The following SGMS1 variants were observed in gnomAD, a reference collection of about 807,000 sequenced individuals.
The protein encoded by SGMS1 is sphingomyelin synthase 1.
Under a neutral mutation model 46.2 loss-of-function variants are expected in SGMS1, and 13 were observed. That is an observed-to-expected ratio of 0.28 (90% CI 0.18 to 0.45). The LOEUF is 0.45. Among genes scored for constraint, SGMS1 ranks in the 20% least tolerant of loss-of-function variants. The probability of loss-of-function intolerance (pLI) is 1.00; values close to 1 mark genes in which losing one functional copy is unlikely to be tolerated. For missense variants in SGMS1, 324 were observed against 519.9 expected (o/e 0.62, Z 3.66); for synonymous variants, 203 against 187.8 (o/e 1.08, Z -0.66).
intron 7 of SGMS1, among the ~76,000 whole-genome samples, chr10:50,338,252 C>A (rs911389081): frequency 1.3e-5 from 2 of 152,150 alleles, no homozygotes; most frequent in East Asian, 1.9e-4. Flanking sequence ...ACCCCTGACC[C>A]CAACCCATAA....
At chr10:50,605,861 C>T (rs1279255878) in intron 1 of SGMS1, among the ~76,000 whole-genome samples, 1 of 152,154 alleles carries the variant, frequency 6.6e-6, no homozygotes, top group African/African-American at 2.4e-5. Flanking sequence ...TAATATACAT[C>T]ATACTCATTA....
chr10:50,430,310 T>C (rs1436070509), intron 6 of SGMS1, among the ~76,000 whole-genome samples: 1 of 152,174 alleles, frequency 6.6e-6, no homozygotes, highest in African/African-American at 2.4e-5. Flanking sequence ...ATATATTATG[T>C]ATACATCTAC....
chr10:50,463,094 T>C (rs1479696945), intron 4 of SGMS1, among the ~76,000 whole-genome samples: 1 of 151,548 alleles, frequency 6.6e-6, no homozygotes, highest in Non-Finnish European at 1.5e-5. Flanking sequence ...AAAAAATACA[T>C]AGAGGAAATG....
chr10:50,451,386 G>A (rs1463024780), intron 5 of SGMS1, among the ~76,000 whole-genome samples: 1 of 152,130 alleles, frequency 6.6e-6, no homozygotes, highest in African/African-American at 2.4e-5. Flanking sequence ...ACACATAACT[G>A]TACCAGGCAA....
intron 2 of SGMS1, among the ~76,000 whole-genome samples, chr10:50,579,194 T>C (rs1039062617): frequency 9.3e-5 from 14 of 150,182 alleles, no homozygotes; most frequent in African/African-American, 3.4e-4. Context: ...ACATGAAAAA[T>C]TGAATAGAAG....
intron 3 of SGMS1, among the ~76,000 whole-genome samples, chr10:50,480,077 A>G (rs542028843): frequency 6.6e-6 from 1 of 152,236 alleles, no homozygotes; most frequent in East Asian, 1.9e-4. Flanking sequence ...AGACTTATTT[A>G]TGACATTTTC....
intron 8 of SGMS1, among the ~76,000 whole-genome samples, chr10:50,320,915 G>T (rs186609748): frequency 1.3e-5 from 2 of 152,204 alleles, no homozygotes; most frequent in African/African-American, 4.8e-5. Flanking sequence ...GGGAGTCAGA[G>T]GGGGATCTGG....
intron 3 of SGMS1, among the ~76,000 whole-genome samples, chr10:50,491,386 A>C (rs1328503114): frequency 1.3e-5 from 2 of 152,154 alleles, no homozygotes; most frequent in Non-Finnish European, 2.9e-5. Context: ...AGCAAATAAA[A>C]AATAAAGACC....
chr10:50,609,629 C>G (rs1838729882), intron 1 of SGMS1, among the ~76,000 whole-genome samples: 1 of 148,768 alleles, frequency 6.7e-6, no homozygotes, highest in South Asian at 2.2e-4. Context: ...ACCTAGTATT[C>G]CATTGTGTGG....
chr10:50,560,598 GGC>G (rs1438142893), intron 2 of SGMS1, among the ~76,000 whole-genome samples: 196 of 144,188 alleles, frequency 1.4e-3, no homozygotes, highest in African/African-American at 4.6e-3. Context: ...CATAATATAT[GGC>G]ATATAATACA....
intron 6 of SGMS1, among the ~76,000 whole-genome samples, chr10:50,360,587 T>C (rs1848230343): frequency 6.6e-6 from 1 of 152,190 alleles, no homozygotes; most frequent in African/African-American, 2.4e-5. Flanking sequence ...AGCAGGACTA[T>C]TTTAATATTT....
chr10:50,549,564 G>C (rs571434252), intron 2 of SGMS1, among the ~76,000 whole-genome samples: 2 of 152,266 alleles, frequency 1.3e-5, no homozygotes, highest in African/African-American at 2.4e-5. Context: ...GGGAGGGAGA[G>C]CATCAGGAAG....
At chr10:50,443,078 T>A (rs1849565284) in intron 5 of SGMS1, among the ~76,000 whole-genome samples, 1 of 152,196 alleles carries the variant, frequency 6.6e-6, no homozygotes, top group Non-Finnish European at 1.5e-5. Context: ...AAGTTTAGAA[T>A]ATTTACTTTT....
At chr10:50,396,793 A>G (rs1204438717) in intron 6 of SGMS1, among the ~76,000 whole-genome samples, 1 of 152,076 alleles carries the variant, frequency 6.6e-6, no homozygotes, top group African/African-American at 2.4e-5. Context: ...TATTTTTCAC[A>G]TCTTCCTTCC....
chr10:50,541,490 C>A (rs1416014964), intron 2 of SGMS1, among the ~76,000 whole-genome samples: 4 of 152,176 alleles, frequency 2.6e-5, no homozygotes, highest in Non-Finnish European at 5.9e-5. Flanking sequence ...TTTTACCATC[C>A]AGGCTCTGTC....
At chr10:50,426,072 A>T (rs1253053417) in intron 6 of SGMS1, among the ~76,000 whole-genome samples, 1 of 152,240 alleles carries the variant, frequency 6.6e-6, no homozygotes, top group Non-Finnish European at 1.5e-5. Flanking sequence ...GTATGTATTA[A>T]AAATTACAAT....
intron 3 of SGMS1, among the ~76,000 whole-genome samples, chr10:50,505,505 C>T (rs7920818): frequency 0.22 from 32,934 of 152,092 alleles, 3,719 homozygotes; most frequent in Admixed American, 0.27. Flanking sequence ...CTTCTACACC[C>T]TTCTCCTCTC....
At chr10:50,560,374 TTATATGCATATAA>T (rs1392063377) in intron 2 of SGMS1, among the ~76,000 whole-genome samples, 1 of 138,372 alleles carries the variant, frequency 7.2e-6, no homozygotes, top group African/African-American at 2.6e-5. Flanking sequence ...ATATTATATA[TTATATGCATATAA>T]TATATGCATA....
At chr10:50,407,266 G>T (rs1040650109) in intron 6 of SGMS1, among the ~76,000 whole-genome samples, 34 of 152,156 alleles carry the variant, frequency 2.2e-4, no homozygotes, top group African/African-American at 8.2e-4. Flanking sequence ...TCTAGGTGAA[G>T]AAGTGGTTAA....
Sources: gnomAD v4.1 joint callset for allele counts (sites outside exome capture counted in the v4.1 genomes callset) on GRCh38, gnomAD v4.1.1 for gene constraint, MANE v1.5 for transcripts, NCBI Gene and HGNC (gene_info 2026-07-23, HGNC 2026-07-21) for gene names.